The following KIRREL1 variants were observed in gnomAD, a reference collection of about 807,000 sequenced individuals.
KIRREL1 encodes kirre like nephrin family adhesion molecule 1, also known as kin of IRRE-like protein 1.
A neutral mutation model predicts 83.3 loss-of-function variants in KIRREL1; 25 were observed. The observed-to-expected ratio is 0.30, with a 90% CI of 0.22 to 0.42. KIRREL1 has a LOEUF of 0.42. KIRREL1 is among the 10% of genes least tolerant of loss of function. KIRREL1 has a pLI of 1.00. For missense variants in KIRREL1, 812 were observed against 1,032.3 expected (o/e 0.79, Z 2.92); for synonymous variants, 388 against 410.4 (o/e 0.95, Z 0.66).
chr1:158,030,279 A>T (rs1660288539), intron 1 of KIRREL1, among the ~76,000 whole-genome samples: 1 of 152,242 alleles, frequency 6.6e-6, no homozygotes, highest in Non-Finnish European at 1.5e-5. Flanking sequence ...TGAGAATCTT[A>T]TGGAAGTTAT....
At chr1:158,017,944 C>G (rs1320034585) in intron 1 of KIRREL1, among the ~76,000 whole-genome samples, 2 of 151,612 alleles carry the variant, frequency 1.3e-5, no homozygotes, top group African/African-American at 4.8e-5. Flanking sequence ...GGGTCAAAAA[C>G]CTGACAGAAA....
At chr1:158,071,692 G>A (rs901157887) in intron 1 of KIRREL1, among the ~76,000 whole-genome samples, 1 of 152,078 alleles carries the variant, frequency 6.6e-6, no homozygotes, top group African/African-American at 2.4e-5. Flanking sequence ...TTTCTGTTTG[G>A]CACTGGTTTT....
At chr1:158,058,900 C>T (rs921331935) in intron 1 of KIRREL1, among the ~76,000 whole-genome samples, 4 of 152,164 alleles carry the variant, frequency 2.6e-5, no homozygotes, top group African/African-American at 9.7e-5. Context: ...TAATACTGAG[C>T]TCCTCTCCCA....
At chr1:158,087,689 G>A (rs1662055396) in intron 5 of KIRREL1, 66 bp from the exon 6 acceptor site, 1 of 1,164,744 alleles carries the variant, frequency 8.6e-7, no homozygotes, top group Non-Finnish European at 1.3e-6. Flanking sequence ...GAATGTACGT[G>A]TTAGGGAGGG....
intron 1 of KIRREL1, among the ~76,000 whole-genome samples, chr1:158,032,333 G>A (rs1557996371): frequency 1.3e-5 from 2 of 152,096 alleles, no homozygotes; most frequent in South Asian, 4.2e-4. Context: ...CTTGGGAGCA[G>A]GGAGATGAGG....
At chr1:158,052,645 G>A (rs920139555) in intron 1 of KIRREL1, among the ~76,000 whole-genome samples, 15 of 151,982 alleles carry the variant, frequency 9.9e-5, no homozygotes, top group Middle Eastern at 3.4e-3. Flanking sequence ...AAATAGCCGG[G>A]CGTGGTGGCG....
intron 1 of KIRREL1, among the ~76,000 whole-genome samples, chr1:158,071,247 TCTCCTTTCCCTCCTCGCTCTCC>T (rs1661506143): frequency 6.6e-6 from 1 of 152,170 alleles, no homozygotes. Context: ...CTCACTCTAG[TCTCCTTTCCCTCCTCGCTCTCC>T]CTCTGCCTCT....
intron 1 of KIRREL1, among the ~76,000 whole-genome samples, chr1:157,996,407 C>G (rs1192767098): frequency 6.6e-6 from 1 of 151,974 alleles, no homozygotes; most frequent in Non-Finnish European, 1.5e-5. Flanking sequence ...TATAGCTAAT[C>G]AGAGCAATGT....
At chr1:157,993,792 C>G in intron 1 of KIRREL1, 64 bp downstream of exon 1, 1 of 1,167,166 alleles carries the variant, frequency 8.6e-7, no homozygotes, top group Non-Finnish European at 1.2e-6. Context: ...ACTGCTTCCC[C>G]GGTGGGAGAG....
At chr1:158,093,906 C>T in intron 13 of KIRREL1, 144 bp downstream of exon 13, 1 of 871,078 alleles carries the variant, frequency 1.1e-6, no homozygotes, top group Non-Finnish European at 1.8e-6. Context: ...CCCACACTCA[C>T]ACACATTCTC....
chr1:158,042,996 G>A (rs1317896650), intron 1 of KIRREL1, among the ~76,000 whole-genome samples: 1 of 151,572 alleles, frequency 6.6e-6, no homozygotes, highest in East Asian at 1.9e-4. Context: ...GCTGAGGCAG[G>A]AGAATGGTGT....
intron 1 of KIRREL1, among the ~76,000 whole-genome samples, chr1:158,066,568 A>G (rs1247590309): frequency 6.6e-6 from 1 of 151,588 alleles, no homozygotes; most frequent in Non-Finnish European, 1.5e-5. Flanking sequence ...CTTCCCTCCC[A>G]CTGTGTGGAC....
rs2101647963 is a variant in KIRREL1, at chr1:158,093,738, C to T, written c.1695C>T (p.Thr565=). 1 of 1,614,198 alleles carries T rather than the reference C, an allele frequency of 6.2e-7. No homozygotes were observed. The highest frequency in any genetic ancestry group is 2.2e-5 in the East Asian group (1 of 44,884). The change falls in exon 13 of 15, where the codon ACC becomes ACT. Residue 565 remains threonine, a synonymous_variant. Coordinates refer to ENST00000359209, the MANE Select transcript of KIRREL1 (RefSeq NM_018240.7). ...ACACCGCCAGCGTCTCCACAGCAAC[C>T]CGGGTCATGAAGGCCATCTACTCGG... ...EDDTASVSTA[T]RVMKAIYSSF... is the part of the protein sequence containing the mutation.
At chr1:158,058,166 G>A (rs996104291) in intron 1 of KIRREL1, among the ~76,000 whole-genome samples, 3 of 152,084 alleles carry the variant, frequency 2.0e-5, no homozygotes, top group African/African-American at 4.8e-5. Flanking sequence ...GCCAGGCCTC[G>A]GGTTCTGTAA....
chr1:158,036,720 A>G lies in KIRREL1; in HGVS notation c.53-39393A>G, dbSNP rs573321539. On this transcript the variant is annotated intron_variant, in intron 1 of 14. Transcript: ENST00000359209. Reference sequence around the variant, plus strand: ...CTGGGTCTGATGTCCTCCAGTCTACAGTGAAGGGCTTGGGCTGGATTATAC... The same window carrying G: ...CTGGGTCTGATGTCCTCCAGTCTACGGTGAAGGGCTTGGGCTGGATTATAC... Among the ~76,000 whole-genome samples the G allele has an allele frequency of 2.6e-5, 4 of 152,300 alleles. No homozygotes were observed. The East Asian group carries it at 7.7e-4, about 29-fold the overall frequency.
At chr1:158,028,199 G>A (rs1281120734) in intron 1 of KIRREL1, among the ~76,000 whole-genome samples, 1 of 152,212 alleles carries the variant, frequency 6.6e-6, no homozygotes, top group Admixed American at 6.5e-5. Context: ...CAAAGCAGCT[G>A]CAGTGGTCTG....
intron 1 of KIRREL1, among the ~76,000 whole-genome samples, chr1:158,019,076 A>AT (rs1285151358): frequency 1.3e-5 from 2 of 152,160 alleles, no homozygotes; most frequent in Non-Finnish European, 2.9e-5. Flanking sequence ...CCCTCTAGAA[A>AT]TTCCCAAGAC....
chr1:158,010,396 TACACAC>T (rs56077512), intron 1 of KIRREL1, among the ~76,000 whole-genome samples: 2,152 of 44,482 alleles, frequency 0.048, 32 homozygotes, highest in East Asian at 0.062. Flanking sequence ...CACACATGCA[TACACAC>T]ACACACACAC....
chr1:158,090,965 A>G (rs899586252), intron 10 of KIRREL1, among the ~76,000 whole-genome samples: 4 of 152,210 alleles, frequency 2.6e-5, no homozygotes, highest in African/African-American at 9.7e-5. Flanking sequence ...AACTTTTTCT[A>G]CAACATCTGG....
Sources: gnomAD v4.1 joint callset for allele counts (sites outside exome capture counted in the v4.1 genomes callset) on GRCh38, gnomAD v4.1.1 for gene constraint, MANE v1.5 for transcripts, NCBI Gene and HGNC (gene_info 2026-07-23, HGNC 2026-07-21) for gene names.